The following COL26A1 variants were observed in gnomAD, a reference collection of about 807,000 sequenced individuals.
COL26A1 encodes collagen alpha-1(XXVI) chain.
A neutral mutation model predicts 59.3 loss-of-function variants in COL26A1; 41 were observed. That is an observed-to-expected ratio of 0.69 (90% CI 0.54 to 0.90). The LOEUF (loss-of-function observed/expected upper bound fraction) is 0.90, where lower values mean the gene tolerates loss of function less well. COL26A1 is among the 40% of genes least tolerant of loss of function. The probability of loss-of-function intolerance (pLI) is 0.00; values close to 1 mark genes in which losing one functional copy is unlikely to be tolerated. For missense variants in COL26A1, 612 were observed against 602.3 expected (o/e 1.02, Z -0.17); for synonymous variants, 266 against 256.0 (o/e 1.04, Z -0.37).
intron 1 of COL26A1, among the ~76,000 whole-genome samples, chr7:101,414,116 G>A (rs1269144339): frequency 1.3e-5 from 2 of 152,170 alleles, no homozygotes; most frequent in Non-Finnish European, 2.9e-5. Context: ...GGAAAGGCCT[G>A]GAGCCCTTTC....
At chr7:101,468,292 A>T (rs532031281) in intron 3 of COL26A1, among the ~76,000 whole-genome samples, 15 of 150,472 alleles carry the variant, frequency 1.0e-4, no homozygotes, top group Non-Finnish European at 1.2e-4. Context: ...ACAGAGCAAG[A>T]CTCAGTCTCA....
At chr7:101,535,705 C>G (rs546899916) in intron 4 of COL26A1, among the ~76,000 whole-genome samples, 1 of 152,330 alleles carries the variant, frequency 6.6e-6, no homozygotes. Flanking sequence ...GATTCCCACC[C>G]TTCCTCCACT....
At chr7:101,395,433 C>T (rs967993083) in intron 1 of COL26A1, among the ~76,000 whole-genome samples, 11 of 152,176 alleles carry the variant, frequency 7.2e-5, no homozygotes, top group Admixed American at 2.0e-4. Context: ...TTTGATCCCA[C>T]GGTGAAACCA....
intron 1 of COL26A1, among the ~76,000 whole-genome samples, chr7:101,385,857 A>G (rs1246551119): frequency 6.6e-6 from 1 of 151,722 alleles, no homozygotes; most frequent in African/African-American, 2.4e-5. Context: ...GGCGCCCACC[A>G]CCACGCCCGG....
intron 1 of COL26A1, among the ~76,000 whole-genome samples, chr7:101,390,222 A>T (rs1383605411): frequency 7.3e-6 from 1 of 137,666 alleles, no homozygotes; most frequent in Non-Finnish European, 1.5e-5. Flanking sequence ...CAGTGGCACA[A>T]TCTCAGCTCG....
Position 101,428,351 on chromosome 7 carries a change from C to G in COL26A1, c.281+8252C>G, listed in dbSNP as rs559524675. Reference sequence around the variant, plus strand: ...CCAGCCTGGGCAACACAGTGAGACCCTGTCTCAAAAAAAAAAAAAAAAGGC... The same window carrying G: ...CCAGCCTGGGCAACACAGTGAGACCGTGTCTCAAAAAAAAAAAAAAAAGGC... On this transcript the variant is annotated intron_variant, in intron 2 of 12. Coordinates refer to ENST00000313669, the MANE Select transcript of COL26A1 (RefSeq NM_001278563.3). Among the ~76,000 whole-genome samples, 30 of 51,256 alleles carry G rather than the reference C, an allele frequency of 5.9e-4. No homozygotes were observed. The East Asian group carries it at 7.4e-3, about 13-fold the overall frequency. The allele number at this position is 51,256 out of a possible 152,430, so 33.6% of individuals were successfully genotyped here.
At chr7:101,473,661 C>A (rs1259186124) in intron 3 of COL26A1, among the ~76,000 whole-genome samples, 2,661 of 148,340 alleles carry the variant, frequency 0.018, 35 homozygotes, top group Non-Finnish European at 0.029. Flanking sequence ...CACAAACACA[C>A]ACAACAAAAA....
At chr7:101,527,157 G>C (rs1237963754) in intron 3 of COL26A1, among the ~76,000 whole-genome samples, 1 of 151,370 alleles carries the variant, frequency 6.6e-6, no homozygotes, top group Non-Finnish European at 1.5e-5. Flanking sequence ...TTTTTCTAGA[G>C]ACGGGGTCCT....
intron 3 of COL26A1, among the ~76,000 whole-genome samples, chr7:101,467,664 A>G (rs1230345244): frequency 2.0e-5 from 3 of 151,868 alleles, no homozygotes; most frequent in Non-Finnish European, 4.4e-5. Context: ...TCAGGAGATC[A>G]AGACCATCCT....
intron 7 of COL26A1, 89 bp downstream of exon 7, chr7:101,545,579 G>A (rs1228695624): frequency 2.2e-6 from 3 of 1,373,870 alleles, no homozygotes; most frequent in African/African-American, 1.5e-5. Context: ...CCTGGGAAGT[G>A]GACCCCACCA....
At chr7:101,453,414 G>A (rs1584420391) in intron 3 of COL26A1, among the ~76,000 whole-genome samples, 2 of 152,180 alleles carry the variant, frequency 1.3e-5, no homozygotes, top group Admixed American at 6.5e-5. Flanking sequence ...GCAGTCTGTC[G>A]TTGACTGAAA....
At chr7:101,459,742 T>G (rs1005464518) in intron 3 of COL26A1, among the ~76,000 whole-genome samples, 1 of 152,104 alleles carries the variant, frequency 6.6e-6, no homozygotes, top group Non-Finnish European at 1.5e-5. Context: ...TAGGGGATTT[T>G]TACTCTTTTT....
Position 101,363,021 on chromosome 7 carries a change from C to T in COL26A1, c.-12C>T, listed in dbSNP as rs763510329. 1 of 1,570,120 alleles carries T rather than the reference C, an allele frequency of 6.4e-7. No homozygotes were observed. Among genetic ancestry groups the T allele is most frequent in the Non-Finnish European group, 8.6e-7 (1 of 1,167,856 alleles). On this transcript the variant is annotated 5_prime_UTR_variant, in exon 1 of 13. Transcript: ENST00000313669. Reference sequence around the variant, plus strand: ...GCCCGGGACTCCGGGTCCCCGCGGGCTGCTGCGCACGATGAAGCTGGCCCT... The same window carrying T: ...GCCCGGGACTCCGGGTCCCCGCGGGTTGCTGCGCACGATGAAGCTGGCCCT...
chr7:101,545,571 T>C (rs9886175), intron 7 of COL26A1, 81 bp downstream of exon 7: 644,389 of 1,442,152 alleles, frequency 0.45, 152,512 homozygotes, highest in African/African-American at 0.83. Flanking sequence ...TAAAGGATCC[T>C]GGGAAGTGGA....
chr7:101,470,301 C>T (rs1793865362), intron 3 of COL26A1, among the ~76,000 whole-genome samples: 1 of 151,834 alleles, frequency 6.6e-6, no homozygotes, highest in Admixed American at 6.6e-5. Flanking sequence ...ACCATGTTGG[C>T]CAGGCTGGTC....
intron 3 of COL26A1, among the ~76,000 whole-genome samples, chr7:101,501,499 C>T (rs1794706102): frequency 1.3e-5 from 2 of 152,220 alleles, no homozygotes; most frequent in South Asian, 4.1e-4. Context: ...CCTGCTTCTT[C>T]CATATTCACC....
chr7:101,493,035 A>T (rs1337804424), intron 3 of COL26A1, among the ~76,000 whole-genome samples: 1 of 152,148 alleles, frequency 6.6e-6, no homozygotes, highest in Non-Finnish European at 1.5e-5. Flanking sequence ...CCATTGTCAG[A>T]TTTAGTCCTC....
At chr7:101,412,858 A>C (rs1792275486) in intron 1 of COL26A1, among the ~76,000 whole-genome samples, 1 of 152,036 alleles carries the variant, frequency 6.6e-6, no homozygotes, top group Non-Finnish European at 1.5e-5. Flanking sequence ...TCCCTGGCTA[A>C]GCCTCAATTT....
intron 1 of COL26A1, chr7:101,389,071 C>G: frequency 4.6e-6 from 1 of 216,488 alleles, no homozygotes; most frequent in Non-Finnish European, 9.2e-6. Context: ...TTCTTGGCTT[C>G]AGGTTTCCTC....
Sources: allele counts gnomAD v4.1 joint callset (sites outside exome capture counted in the v4.1 genomes callset), GRCh38; gene constraint gnomAD v4.1.1; transcripts MANE v1.5; gene names NCBI Gene and HGNC (gene_info 2026-07-23, HGNC 2026-07-21).